Variants in GALNTL6 observed in about 807,000 individuals in gnomAD.
GALNTL6 encodes the protein polypeptide N-acetylgalactosaminyltransferase like 6.
Under a neutral mutation model 73.7 loss-of-function variants are expected in GALNTL6, and 46 were observed. The observed-to-expected ratio is 0.62, with a 90% CI of 0.49 to 0.80. GALNTL6 has a LOEUF of 0.80. Among genes scored for constraint, GALNTL6 ranks in the 30% least tolerant of loss-of-function variants. The probability of loss-of-function intolerance (pLI) is 0.00; values close to 1 mark genes in which losing one functional copy is unlikely to be tolerated. For missense variants in GALNTL6, 604 were observed against 755.0 expected (o/e 0.80, Z 2.34); for synonymous variants, 259 against 263.7 (o/e 0.98, Z 0.17).
intron 8 of GALNTL6, among the ~76,000 whole-genome samples, chr4:172,928,300 A>C (rs1228493479): frequency 6.6e-6 from 1 of 152,322 alleles, no homozygotes; most frequent in East Asian, 1.9e-4. Flanking sequence ...TTCAAATCTC[A>C]GTTCTGGAAG....
chr4:172,319,181 C>T (rs569147211), intron 4 of GALNTL6, among the ~76,000 whole-genome samples: 190 of 152,246 alleles, frequency 1.2e-3, no homozygotes, highest in African/African-American at 4.3e-3. Flanking sequence ...CTGGAGCTTC[C>T]TTTCCAAATC....
At chr4:172,677,971 G>C (rs1732401844) in intron 5 of GALNTL6, among the ~76,000 whole-genome samples, 1 of 152,174 alleles carries the variant, frequency 6.6e-6, no homozygotes, top group South Asian at 2.1e-4. Flanking sequence ...CATTTAAGGA[G>C]CTTCTATACA....
chr4:171,847,822 A>G (rs1735415168), intron 2 of GALNTL6, among the ~76,000 whole-genome samples: 1 of 152,132 alleles, frequency 6.6e-6, no homozygotes, highest in Non-Finnish European at 1.5e-5. Flanking sequence ...TTTCCATGAC[A>G]AATGTAGTCA....
chr4:172,513,482 G>A (rs1371566916), intron 5 of GALNTL6, among the ~76,000 whole-genome samples: 2 of 152,176 alleles, frequency 1.3e-5, no homozygotes, highest in East Asian at 3.9e-4. Flanking sequence ...TTTTGGGGGT[G>A]TTAAAGAGCC....
At chr4:172,939,315 A>G (rs180780965) in intron 9 of GALNTL6, among the ~76,000 whole-genome samples, 49 of 152,266 alleles carry the variant, frequency 3.2e-4, no homozygotes, top group Admixed American at 2.3e-3. Context: ...ACAAAACAAC[A>G]TAAAATATAA....
At chr4:172,950,109 C>T (rs1749371668) in intron 9 of GALNTL6, among the ~76,000 whole-genome samples, 1 of 152,184 alleles carries the variant, frequency 6.6e-6, no homozygotes, top group Admixed American at 6.5e-5. Flanking sequence ...CACAGCAGGA[C>T]TCTCAAGACA....
At chr4:172,197,543 C>T (rs878940030) in intron 2 of GALNTL6, among the ~76,000 whole-genome samples, 1 of 152,134 alleles carries the variant, frequency 6.6e-6, no homozygotes, top group Admixed American at 6.5e-5. Context: ...TCAAACTATA[C>T]TACAAAGCTA....
Position 172,649,587 on chromosome 4 carries a change from A to G in GALNTL6, c.554-159774A>G, listed in dbSNP as rs147445474. 3.2e-3 allele frequency among the ~76,000 whole-genome samples: 495 copies of G among 152,310 alleles called. 5 individuals carry two copies. Among genetic ancestry groups the G allele is most frequent in the African/African-American group, 0.011 (470 of 41,570 alleles). ...ACAAATAACTGAATTAAATGTGTGT[A>G]TAAAGAATTTTTATAAAATTATCTC... On this transcript the variant is annotated intron_variant, in intron 5 of 12. Coordinates refer to ENST00000506823, the MANE Select transcript of GALNTL6 (RefSeq NM_001034845.3).
intron 10 of GALNTL6, among the ~76,000 whole-genome samples, 185 bp from the exon 11 acceptor site, chr4:173,008,993 G>C (rs755296373): frequency 6.6e-6 from 1 of 152,144 alleles, no homozygotes; most frequent in Non-Finnish European, 1.5e-5. Context: ...TGTGAAGATG[G>C]CTTCAATGTT....
intron 5 of GALNTL6, among the ~76,000 whole-genome samples, chr4:172,761,323 A>G (rs1371297045): frequency 6.6e-6 from 1 of 152,230 alleles, no homozygotes; most frequent in Non-Finnish European, 1.5e-5. Flanking sequence ...GGAAATATTT[A>G]TTATAAAACA....
intron 2 of GALNTL6, among the ~76,000 whole-genome samples, chr4:172,126,012 C>T (rs1469400348): frequency 2.0e-5 from 3 of 152,016 alleles, no homozygotes; most frequent in African/African-American, 4.8e-5. Flanking sequence ...ATTATATATA[C>T]ACATTAGAAT....
At chr4:172,157,207 C>A (rs929830243) in intron 2 of GALNTL6, among the ~76,000 whole-genome samples, 1 of 152,124 alleles carries the variant, frequency 6.6e-6, no homozygotes, top group South Asian at 2.1e-4. Context: ...ACAATAGTTA[C>A]CCTCACTGCT....
intron 5 of GALNTL6, among the ~76,000 whole-genome samples, chr4:172,379,435 C>T (rs1338717892): frequency 6.8e-6 from 1 of 146,938 alleles, no homozygotes; most frequent in East Asian, 2.0e-4. Flanking sequence ...GAGGCTGAGG[C>T]AGGAGAATGG....
At chr4:172,439,835 A>G (rs1457884124) in intron 5 of GALNTL6, among the ~76,000 whole-genome samples, 1 of 152,008 alleles carries the variant, frequency 6.6e-6, no homozygotes, top group Non-Finnish European at 1.5e-5. Flanking sequence ...TTTCCCGTAT[A>G]CCCTTTGCCC....
At chr4:172,999,314 C>T (rs1751936772) in intron 10 of GALNTL6, among the ~76,000 whole-genome samples, 2 of 152,160 alleles carry the variant, frequency 1.3e-5, no homozygotes, top group South Asian at 4.1e-4. Flanking sequence ...CATTTACTGG[C>T]TATCACATGG....
At chr4:172,022,109 T>C (rs1005406154) in intron 2 of GALNTL6, among the ~76,000 whole-genome samples, 2 of 151,938 alleles carry the variant, frequency 1.3e-5, no homozygotes, top group African/African-American at 4.8e-5. Flanking sequence ...TTAAAAAGCT[T>C]CTGAACAAGC....
chr4:172,144,344 G>A (rs1733872777), intron 2 of GALNTL6, among the ~76,000 whole-genome samples: 1 of 152,116 alleles, frequency 6.6e-6, no homozygotes, highest in African/African-American at 2.4e-5. Flanking sequence ...TTTACCAGCT[G>A]ATAATTTACT....
At chr4:172,400,749 A>G (rs1443179531) in intron 5 of GALNTL6, among the ~76,000 whole-genome samples, 1 of 152,090 alleles carries the variant, frequency 6.6e-6, no homozygotes, top group Non-Finnish European at 1.5e-5. Flanking sequence ...TAGAGAGGAA[A>G]GCCGACGATG....
chr4:172,113,533 G>A (rs950416608), intron 2 of GALNTL6, among the ~76,000 whole-genome samples: 1 of 151,856 alleles, frequency 6.6e-6, no homozygotes, highest in African/African-American at 2.4e-5. Context: ...GTTAAGCAAT[G>A]TCTATTATTT....
Sources: gnomAD v4.1 joint callset for allele counts (sites outside exome capture counted in the v4.1 genomes callset) on GRCh38, gnomAD v4.1.1 for gene constraint, MANE v1.5 for transcripts, NCBI Gene and HGNC (gene_info 2026-07-23, HGNC 2026-07-21) for gene names.